SORCS1: variants seen among roughly 807,000 people sequenced by gnomAD.
The protein encoded by SORCS1 is sortilin related VPS10 domain containing receptor 1.
Under a neutral mutation model 146.1 loss-of-function variants are expected in SORCS1, and 60 were observed. The observed-to-expected ratio is 0.41, with a 90% confidence interval of 0.33 to 0.51. The LOEUF is 0.51. SORCS1 is among the 20% of genes least tolerant of loss of function. The probability of loss-of-function intolerance (pLI) is 0.21; values close to 1 mark genes in which losing one functional copy is unlikely to be tolerated. For missense variants in SORCS1, 1,352 were observed against 1,487.6 expected (o/e 0.91, Z 1.50); for synonymous variants, 637 against 584.0 (o/e 1.09, Z -1.31).
chr10:106,606,427 T>C (rs1846597709), intron 23 of SORCS1, among the ~76,000 whole-genome samples: 1 of 152,104 alleles, frequency 6.6e-6, no homozygotes, highest in Non-Finnish European at 1.5e-5. Context: ...AATTAGATCA[T>C]CAAAGGATTA....
intron 1 of SORCS1, among the ~76,000 whole-genome samples, chr10:107,075,891 G>A (rs2134208075): frequency 6.6e-6 from 1 of 152,036 alleles, no homozygotes; most frequent in East Asian, 1.9e-4. Context: ...TTCTTAGGGA[G>A]CTTCACATTC....
At chr10:106,658,377 C>T (rs187878342) in intron 17 of SORCS1, among the ~76,000 whole-genome samples, 13 of 152,032 alleles carry the variant, frequency 8.6e-5, no homozygotes, top group Non-Finnish European at 1.3e-4. Flanking sequence ...CCTTTTGTCA[C>T]GGTAGTTATC....
chr10:106,676,834 C>G (rs1315200732), intron 13 of SORCS1, among the ~76,000 whole-genome samples: 2 of 152,112 alleles, frequency 1.3e-5, no homozygotes, highest in African/African-American at 4.8e-5. Context: ...GGAAACCAAC[C>G]ATCAGGCCTC....
At chr10:106,601,244 T>A (rs1186823205) in intron 23 of SORCS1, among the ~76,000 whole-genome samples, 1 of 152,218 alleles carries the variant, frequency 6.6e-6, no homozygotes, top group Non-Finnish European at 1.5e-5. Context: ...GCAAATTGAA[T>A]TTATTTCTTT....
intron 1 of SORCS1, among the ~76,000 whole-genome samples, chr10:107,055,362 A>G (rs1027188092): frequency 6.6e-6 from 1 of 151,574 alleles, no homozygotes. Flanking sequence ...AGGAATAGAT[A>G]GTGAGTTTAA....
intron 1 of SORCS1, among the ~76,000 whole-genome samples, chr10:107,007,199 A>G (rs577703063): frequency 1.3e-5 from 2 of 152,348 alleles, no homozygotes; most frequent in East Asian, 3.9e-4. Flanking sequence ...AGACAGTCAC[A>G]CATTCTTTGG....
chr10:106,834,741 C>T (rs962848903), intron 2 of SORCS1, among the ~76,000 whole-genome samples: 1 of 151,998 alleles, frequency 6.6e-6, no homozygotes, highest in African/African-American at 2.4e-5. Flanking sequence ...AATTAAGATG[C>T]GACATATGCA....
chr10:106,970,774 T>C (rs1433567847), intron 1 of SORCS1, among the ~76,000 whole-genome samples: 1 of 152,056 alleles, frequency 6.6e-6, no homozygotes, highest in Non-Finnish European at 1.5e-5. Context: ...GTTTTGCTCT[T>C]GTTGCCCAGG....
intron 2 of SORCS1, among the ~76,000 whole-genome samples, chr10:106,884,107 A>G (rs1564771490): frequency 6.6e-6 from 1 of 152,014 alleles, no homozygotes; most frequent in Non-Finnish European, 1.5e-5. Flanking sequence ...GTCTTCTCTT[A>G]TTTCCTCTTT....
At chr10:106,716,327 C>T (rs192383189) in intron 6 of SORCS1, among the ~76,000 whole-genome samples, 385 of 152,248 alleles carry the variant, frequency 2.5e-3, no homozygotes, top group African/African-American at 8.0e-3. Flanking sequence ...TCCAGCATGG[C>T]GTGTGACTCT....
chr10:107,143,078 T>A (rs1356131747), intron 1 of SORCS1, among the ~76,000 whole-genome samples: 1 of 152,120 alleles, frequency 6.6e-6, no homozygotes, highest in Admixed American at 6.5e-5. Flanking sequence ...CCCTCTATAG[T>A]GTTATCTTGA....
At position 106,836,406 on chromosome 10, in the gene SORCS1, G is replaced by A. The variant is rs915058574; in HGVS notation, c.627-6733C>T. Among the ~76,000 whole-genome samples, 8 of 151,162 alleles carry A rather than the reference G, an allele frequency of 5.3e-5. No homozygotes were observed. In the South Asian group the frequency reaches 6.3e-4, roughly 12 times the overall value. ...GGAGAATGGCGTGAACCCAGGAGGC[G>A]GAGCTTTGCAGTGAGCCGAGATTGC... On this transcript the variant is annotated intron_variant, in intron 2 of 25. Coordinates refer to ENST00000263054, the MANE Select transcript of SORCS1 (RefSeq NM_052918.5).
intron 2 of SORCS1, among the ~76,000 whole-genome samples, chr10:106,857,713 A>AG (rs1399998096): frequency 1.3e-5 from 2 of 152,326 alleles, no homozygotes; most frequent in African/African-American, 4.8e-5. Context: ...ATTCATTGAC[A>AG]GATTTTTTTT....
rs1844547915 is a variant in SORCS1, at chr10:106,575,687, A to G, written c.*1733T>C. ...CTTAAATCTTTACTTTAATGATACT[A>G]TGATACTCAGAGGTCAGAGAGCACA... On this transcript the variant is annotated 3_prime_UTR_variant, in exon 26 of 26. Transcript: ENST00000263054. 6.6e-6 allele frequency: 1 copy of G among 152,638 alleles called. No homozygotes were observed. Among genetic ancestry groups the G allele is most frequent in the Non-Finnish European group, 1.5e-5 (1 of 68,056 alleles). 9.5% of individuals were successfully genotyped at this position (152,638 alleles called of 1,614,324 possible).
intron 1 of SORCS1, among the ~76,000 whole-genome samples, chr10:106,979,489 A>G (rs1405219052): frequency 6.6e-6 from 1 of 152,174 alleles, no homozygotes; most frequent in Non-Finnish European, 1.5e-5. Flanking sequence ...AGCCCTCAGT[A>G]TGTTTCTAAA....
At chr10:106,623,536 G>A (rs548855231) in intron 19 of SORCS1, among the ~76,000 whole-genome samples, 1 of 151,860 alleles carries the variant, frequency 6.6e-6, no homozygotes, top group Admixed American at 6.6e-5. Flanking sequence ...GAGCCACCAC[G>A]CCCGGCTGAG....
At chr10:106,760,328 C>T (rs145730278) in intron 5 of SORCS1, among the ~76,000 whole-genome samples, 3 of 151,256 alleles carry the variant, frequency 2.0e-5, no homozygotes, top group African/African-American at 4.9e-5. Context: ...CCTGTAGTCC[C>T]AGCTACTTGG....
intron 21 of SORCS1, 128 bp from the exon 22 acceptor site, chr10:106,612,151 G>T: frequency 1.6e-6 from 1 of 636,104 alleles, no homozygotes; most frequent in Non-Finnish European, 2.7e-6. Context: ...TTTTTAGAAG[G>T]CAAGCCACTA....
At chr10:106,597,304 C>T (rs1400819679) in intron 24 of SORCS1, 47 bp downstream of exon 24, 1 of 1,483,488 alleles carries the variant, frequency 6.7e-7, no homozygotes, top group East Asian at 2.3e-5. Flanking sequence ...GACTAGGATT[C>T]CCTTTGCCAG....
Sources: allele counts gnomAD v4.1 joint callset (sites outside exome capture counted in the v4.1 genomes callset), GRCh38; gene constraint gnomAD v4.1.1; transcripts MANE v1.5; gene names NCBI Gene and HGNC (gene_info 2026-07-23, HGNC 2026-07-21).